VEPH1: variants seen among roughly 807,000 people sequenced by gnomAD.
VEPH1 encodes ventricular zone expressed PH domain containing 1, also known as ventricular zone-expressed PH domain-containing protein homolog 1.
Under a neutral mutation model 85.2 loss-of-function variants are expected in VEPH1, and 80 were observed. That is an observed-to-expected ratio of 0.94 (90% CI 0.78 to 1.13). The LOEUF is 1.13. VEPH1 is among the 50% of genes most tolerant of loss of function. The probability of loss-of-function intolerance (pLI) is 0.00; values close to 1 mark genes in which losing one functional copy is unlikely to be tolerated. For missense variants in VEPH1, 955 were observed against 980.5 expected (o/e 0.97, Z 0.35); for synonymous variants, 297 against 348.0 (o/e 0.85, Z 1.63).
chr3:157,495,081 A>C (rs1252983686), intron 2 of VEPH1, 131 bp downstream of exon 2: 1 of 870,090 alleles, frequency 1.1e-6, no homozygotes, highest in Non-Finnish European at 1.7e-6. Flanking sequence ...ACCACAGAGC[A>C]GATTAAGAGA....
rs142394743 is a variant in VEPH1 at position 157,460,345 on chromosome 3, C to T, written c.365G>A (p.Arg122Gln). 1,319 of 1,611,856 alleles carry T rather than the reference C, an allele frequency of 8.2e-4. 3 individuals are homozygous for T. The highest frequency in any genetic ancestry group is 7.0e-4 in the Non-Finnish European group (823 of 1,178,510). The change falls in exon 4 of 14, where the codon CGA (arginine) becomes CAA (glutamine). Residue 122 changes from arginine to glutamine, a missense_variant. Arg to Gln is a conservative substitution (Grantham distance 43). Transcript: ENST00000362010. ...GATGGCTAATGCCATCACTGGGGGT[C>T]GGTTGTAATTCTGAGGAAATATAAG... is the stretch of plus-strand genomic sequence containing the variant. The part of the protein sequence containing the change: ...IMSCILQNYN[R>Q]PPVMALAIPI...
intron 11 of VEPH1, among the ~76,000 whole-genome samples, chr3:157,305,034 T>TTC (rs1360393860): frequency 1.7e-4 from 11 of 64,870 alleles, no homozygotes; most frequent in South Asian, 1.3e-3. Flanking sequence ...CTGTGTATTG[T>TTC]TATATCTATC....
In VEPH1 at chr3:157,369,193, A is replaced by AAAAAAAAAAAAAAAAAAAAAAAAC. The variant is rs1553773125; in HGVS notation, c.1128-4682_1128-4681insGTTTTTTTTTTTTTTTTTTTTTTT. On this transcript the variant is annotated intron_variant, in intron 7 of 13. Coordinates refer to ENST00000362010, the MANE Select transcript of VEPH1 (RefSeq NM_001167912.2). ...CAAAAACCAAATGAAAAAAAAAAAA[A>AAAAAAAAAAAAAAAAAAAAAAAAC]AAAAAAAAAAACCTCCTGAGGTCTA... Among the ~76,000 whole-genome samples the AAAAAAAAAAAAAAAAAAAAAAAAC allele has an allele frequency of 5.0e-5, 7 of 140,628 alleles. No individual in the cohort carries two copies. The East Asian group carries it at 6.6e-4, about 13-fold the overall frequency. 92.3% of individuals were successfully genotyped at this position (140,628 alleles called of 152,430 possible).
intron 11 of VEPH1, among the ~76,000 whole-genome samples, chr3:157,297,443 G>A (rs917650998): frequency 6.6e-6 from 1 of 152,122 alleles, no homozygotes. Flanking sequence ...AGGCCATAAT[G>A]TGATGTACAA....
rs199538569 is a variant in VEPH1 at position 157,477,553 on chromosome 3, GA to G, written c.139-7025del. 9.2e-3 allele frequency among the ~76,000 whole-genome samples: 1,399 copies of G among 152,176 alleles called. 11 individuals are homozygous for G. Among genetic ancestry groups the G allele is most frequent in the Non-Finnish European group, 0.014 (936 of 68,000 alleles). On this transcript the variant is annotated intron_variant, in intron 2 of 13. Coordinates refer to ENST00000362010, the MANE Select transcript of VEPH1 (RefSeq NM_001167912.2). ...CCAATTGCAGCCTTGATAAGAACTG[GA>G]GTGGTGGACACTTGACTTGGGCACA...
chr3:157,469,493 T>G (rs1439030803), intron 3 of VEPH1, among the ~76,000 whole-genome samples: 1 of 152,166 alleles, frequency 6.6e-6, no homozygotes, highest in Non-Finnish European at 1.5e-5. Flanking sequence ...CATAGTGAAA[T>G]CAGACTGGAA....
At chr3:157,385,524 T>TA (rs548220462) in intron 6 of VEPH1, among the ~76,000 whole-genome samples, 2 of 152,120 alleles carry the variant, frequency 1.3e-5, no homozygotes, top group South Asian at 4.1e-4. Context: ...ATATTTTCAT[T>TA]AAAAAATCAC....
intron 9 of VEPH1, among the ~76,000 whole-genome samples, chr3:157,350,455 TGGG>T (rs1559982729): frequency 6.6e-6 from 1 of 152,134 alleles, no homozygotes; most frequent in Admixed American, 6.5e-5. Flanking sequence ...AACACTTGTC[TGGG>T]GAAAGATGTT....
At chr3:157,308,682 C>T (rs1057030172) in intron 11 of VEPH1, among the ~76,000 whole-genome samples, 1 of 152,000 alleles carries the variant, frequency 6.6e-6, no homozygotes, top group African/African-American at 2.4e-5. Context: ...TAAATTGGAA[C>T]TCAGTTAAAG....
At chr3:157,395,360 G>A (rs1363273913) in intron 6 of VEPH1, among the ~76,000 whole-genome samples, 2 of 152,224 alleles carry the variant, frequency 1.3e-5, no homozygotes, top group African/African-American at 2.4e-5. Context: ...GCCATATAGA[G>A]GGCTCATTGC....
chr3:157,415,528 T>C (rs1731848013), intron 5 of VEPH1, among the ~76,000 whole-genome samples: 1 of 152,106 alleles, frequency 6.6e-6, no homozygotes, highest in Non-Finnish European at 1.5e-5. Flanking sequence ...TCCAACAGCC[T>C]CCTAACAGGT....
At position 157,380,960 on chromosome 3, in the gene VEPH1, TTTA is replaced by T. The variant is rs1560013038; in HGVS notation, c.1127+193_1127+195del. Among the ~76,000 whole-genome samples the T allele has an allele frequency of 3.3e-5, 5 of 152,364 alleles. No homozygotes were observed. The South Asian group carries it at 1.0e-3, about 32-fold the overall frequency. On this transcript the variant is annotated intron_variant, in intron 7 of 13. Transcript: ENST00000362010. ...TACCATATTTTGTGAACCTTTTAAA[TTTA>T]TTGTTTTGTTACATTCTGGTTTTCA... is the stretch of plus-strand genomic sequence containing the variant.
chr3:157,271,084 C>T (rs1044066364), intron 12 of VEPH1, among the ~76,000 whole-genome samples: 3 of 152,140 alleles, frequency 2.0e-5, no homozygotes, highest in Non-Finnish European at 4.4e-5. Flanking sequence ...AACTCAGAAA[C>T]AAGTAAAGCA....
chr3:157,314,819 A>C (rs1045935133), intron 10 of VEPH1, among the ~76,000 whole-genome samples: 1 of 152,146 alleles, frequency 6.6e-6, no homozygotes, highest in Admixed American at 6.5e-5. Context: ...GAACATAAAG[A>C]AAATCACATT....
At chr3:157,458,415 A>G (rs1245603537) in intron 4 of VEPH1, among the ~76,000 whole-genome samples, 1 of 152,056 alleles carries the variant, frequency 6.6e-6, no homozygotes, top group Non-Finnish European at 1.5e-5. Context: ...TTATGCTGTT[A>G]GGTTGTTAAA....
intron 2 of VEPH1, 133 bp from the exon 3 acceptor site, chr3:157,470,662 A>ATTGTATTAGGCTT: frequency 1.4e-6 from 1 of 717,810 alleles, no homozygotes; most frequent in Non-Finnish European, 2.2e-6. Context: ...GTAAAGCCTA[A>ATTGTATTAGGCTT]TACAATAAAG....
At chr3:157,353,474 G>A (rs920152630) in intron 9 of VEPH1, among the ~76,000 whole-genome samples, 5 of 152,026 alleles carry the variant, frequency 3.3e-5, no homozygotes, top group Admixed American at 6.6e-5. Flanking sequence ...GCCATTTTGC[G>A]CAGGCTCTTC....
intron 9 of VEPH1, among the ~76,000 whole-genome samples, chr3:157,320,000 TG>T (rs1260588895): frequency 6.6e-6 from 1 of 152,198 alleles, no homozygotes; most frequent in Non-Finnish European, 1.5e-5. Context: ...AGAGCTTTCT[TG>T]GCTTGCAAAA....
intron 11 of VEPH1, among the ~76,000 whole-genome samples, chr3:157,302,598 G>C (rs1332645712): frequency 1.3e-5 from 2 of 152,194 alleles, no homozygotes; most frequent in African/African-American, 4.8e-5. Context: ...AATCTGCCTT[G>C]ATCTCGGGCT....
Sources: allele counts gnomAD v4.1 joint callset (sites outside exome capture counted in the v4.1 genomes callset), GRCh38; gene constraint gnomAD v4.1.1; transcripts MANE v1.5; gene names NCBI Gene and HGNC (gene_info 2026-07-23, HGNC 2026-07-21).